The following CACNG3 variants were observed in gnomAD, a reference collection of about 807,000 sequenced individuals.
CACNG3 encodes the protein voltage-dependent calcium channel gamma-3 subunit.
In CACNG3, 3 loss-of-function variants were observed where a neutral mutation model predicts 28.5. The observed-to-expected ratio is 0.11, with a 90% confidence interval of 0.05 to 0.27. The LOEUF is 0.27. Ranked by LOEUF, CACNG3 falls within the 10% of genes least tolerant of loss-of-function variation. The pLI is 1.00. For missense variants in CACNG3, 236 were observed against 414.4 expected, an observed-to-expected ratio of 0.57 and a Z score of 3.74; for synonymous variants, 174 against 162.2, an observed-to-expected ratio of 1.07 and a Z score of -0.55.
At chr16:24,326,602 G>T (rs1238671749) in intron 1 of CACNG3, among the ~76,000 whole-genome samples, 1 of 152,084 alleles carries the variant, frequency 6.6e-6, no homozygotes, top group African/African-American at 2.4e-5. Flanking sequence ...GCCAGATCTG[G>T]GTCATGTGCT....
intron 1 of CACNG3, among the ~76,000 whole-genome samples, chr16:24,261,424 A>C (rs761944352): frequency 6.6e-6 from 1 of 152,234 alleles, no homozygotes; most frequent in Non-Finnish European, 1.5e-5. Flanking sequence ...TTCCAAGTAA[A>C]GAAAAGCCAG....
chr16:24,271,377 G>A (rs1307137774), intron 1 of CACNG3, among the ~76,000 whole-genome samples: 1 of 152,018 alleles, frequency 6.6e-6, no homozygotes, highest in Non-Finnish European at 1.5e-5. Flanking sequence ...TTCTCATTGT[G>A]GAAAAATAGG....
intron 3 of CACNG3, among the ~76,000 whole-genome samples, chr16:24,360,555 T>A (rs1370604757): frequency 6.6e-6 from 1 of 152,228 alleles, no homozygotes; most frequent in Non-Finnish European, 1.5e-5. Flanking sequence ...CTCTTCCCCA[T>A]GGGTTTATTT....
chr16:24,278,972 G>C (rs938930765), intron 1 of CACNG3, among the ~76,000 whole-genome samples: 4 of 152,186 alleles, frequency 2.6e-5, no homozygotes, highest in African/African-American at 9.7e-5. Flanking sequence ...TTGTTGTCCC[G>C]GGAAAAGGGA....
intron 1 of CACNG3, among the ~76,000 whole-genome samples, chr16:24,258,833 A>C (rs903614061): frequency 5.3e-5 from 8 of 152,254 alleles, no homozygotes; most frequent in Admixed American, 2.0e-4. Flanking sequence ...TCTGGGAATC[A>C]AACCTGAGAA....
intron 1 of CACNG3, among the ~76,000 whole-genome samples, chr16:24,339,817 C>A (rs984410111): frequency 1.3e-5 from 2 of 152,136 alleles, no homozygotes; most frequent in African/African-American, 4.8e-5. Flanking sequence ...CAAACCATAA[C>A]AAATAATCGA....
At chr16:24,346,894 G>A (rs886414951) in intron 2 of CACNG3, 77 bp downstream of exon 2, 6 of 1,111,912 alleles carry the variant, frequency 5.4e-6, no homozygotes, top group African/African-American at 3.1e-5. Context: ...CTCTGAGTCG[G>A]AGCTTCCTCA....
At chr16:24,343,513 CT>C (rs1373606185) in intron 1 of CACNG3, among the ~76,000 whole-genome samples, 3 of 152,160 alleles carry the variant, frequency 2.0e-5, no homozygotes, top group South Asian at 2.1e-4. Context: ...CCAGGTGCCC[CT>C]GGGACATGCC....
At position 24,285,556 on chromosome 16, in the gene CACNG3, A is replaced by G. The variant is rs144937350; in HGVS notation, c.211+28591A>G. Among the ~76,000 whole-genome samples the G allele has an allele frequency of 1.6e-4, 25 of 152,252 alleles. No individual in the cohort carries two copies. The East Asian group carries it at 4.1e-3, about 25-fold the overall frequency. On this transcript the variant is annotated intron_variant, in intron 1 of 3. Coordinates refer to ENST00000005284, the MANE Select transcript of CACNG3 (RefSeq NM_006539.4). ...TTTGTTTAAATTAAATCAGAGCCAG[A>G]CACAATGGCACACACCTCTAGTCCC... is the stretch of plus-strand genomic sequence containing the variant.
chr16:24,334,890 C>T (rs1208265110), intron 1 of CACNG3, among the ~76,000 whole-genome samples: 2 of 152,186 alleles, frequency 1.3e-5, no homozygotes, highest in Non-Finnish European at 2.9e-5. Context: ...CAGGTCTGCA[C>T]ATGTGTACCC....
At chr16:24,326,292 C>T (rs1347455296) in intron 1 of CACNG3, among the ~76,000 whole-genome samples, 1 of 152,126 alleles carries the variant, frequency 6.6e-6, no homozygotes, top group Non-Finnish European at 1.5e-5. Flanking sequence ...CTCCCTCAGC[C>T]TCCCGAGTAG....
intron 1 of CACNG3, among the ~76,000 whole-genome samples, chr16:24,281,881 C>T (rs1042509623): frequency 7.2e-5 from 11 of 152,264 alleles, no homozygotes; most frequent in African/African-American, 2.2e-4. Context: ...ACTAACTTGC[C>T]CAGGACCGAC....
chr16:24,289,184 C>T (rs541553119), intron 1 of CACNG3, among the ~76,000 whole-genome samples: 6 of 152,156 alleles, frequency 3.9e-5, no homozygotes, highest in Non-Finnish European at 8.8e-5. Context: ...AAAGAGCTTC[C>T]CCTCTCCTTC....
intron 1 of CACNG3, among the ~76,000 whole-genome samples, chr16:24,334,224 C>G (rs2141374854): frequency 6.6e-6 from 1 of 152,288 alleles, no homozygotes; most frequent in East Asian, 1.9e-4. Context: ...GAGCTCTAAG[C>G]TGGGCTTTTG....
At chr16:24,290,620 A>G (rs190530968) in intron 1 of CACNG3, among the ~76,000 whole-genome samples, 45 of 152,248 alleles carry the variant, frequency 3.0e-4, no homozygotes, top group Admixed American at 2.7e-3. Context: ...ATTTATTTAG[A>G]TAGAGATGGA....
chr16:24,299,747 C>T (rs915764942), intron 1 of CACNG3, among the ~76,000 whole-genome samples: 2 of 152,084 alleles, frequency 1.3e-5, no homozygotes, highest in Admixed American at 6.6e-5. Context: ...TCCAGTATGA[C>T]GTGGTTCATT....
chr16:24,320,299 AC>A (rs1899439508), intron 1 of CACNG3, among the ~76,000 whole-genome samples: 2 of 152,302 alleles, frequency 1.3e-5, no homozygotes, highest in African/African-American at 4.8e-5. Flanking sequence ...CCCGGGCAGC[AC>A]CCTGCAGTCA....
At chr16:24,293,106 G>T (rs1005351504) in intron 1 of CACNG3, among the ~76,000 whole-genome samples, 1 of 152,218 alleles carries the variant, frequency 6.6e-6, no homozygotes, top group South Asian at 2.1e-4. Context: ...GAGGACGTGG[G>T]CTCCCATCTA....
At chr16:24,262,730 T>C (rs1387046847) in intron 1 of CACNG3, among the ~76,000 whole-genome samples, 1 of 152,228 alleles carries the variant, frequency 6.6e-6, no homozygotes, top group Non-Finnish European at 1.5e-5. Flanking sequence ...AACTTACTCC[T>C]CTTCTTTCTT....
Sources: allele counts gnomAD v4.1 joint callset (sites outside exome capture counted in the v4.1 genomes callset), GRCh38; gene constraint gnomAD v4.1.1; transcripts MANE v1.5; gene names NCBI Gene and HGNC (gene_info 2026-07-23, HGNC 2026-07-21).